MGMT: variants seen among roughly 807,000 people sequenced by gnomAD.
MGMT encodes the protein O-6-methylguanine-DNA methyltransferase.
In MGMT, 14 loss-of-function variants were observed where a neutral mutation model predicts 15.9. That is an observed-to-expected ratio of 0.88 (90% CI 0.58 to 1.37). The LOEUF (loss-of-function observed/expected upper bound fraction) is 1.37. Among genes scored for constraint, MGMT ranks in the 40% most tolerant of loss-of-function variants. MGMT has a pLI of 0.00. For synonymous variants in MGMT, 130 were observed against 118.2 expected, an observed-to-expected ratio of 1.10 and a Z score of -0.65; for missense variants, 282 against 268.1, an observed-to-expected ratio of 1.05 and a Z score of -0.36.
intron 3 of MGMT, 58 bp downstream of exon 3, chr10:129,708,101 G>GC: frequency 6.5e-7 from 1 of 1,548,220 alleles, no homozygotes; most frequent in East Asian, 2.3e-5. Flanking sequence ...ATTAACGATC[G>GC]CTGACATCAC....
At chr10:129,757,093 G>T (rs1848815854) in intron 3 of MGMT, among the ~76,000 whole-genome samples, 1 of 152,200 alleles carries the variant, frequency 6.6e-6, no homozygotes. Flanking sequence ...AAAATCAGGT[G>T]CCTGATTGCT....
chr10:129,720,252 A>G (rs997865463), intron 3 of MGMT, among the ~76,000 whole-genome samples: 9 of 152,264 alleles, frequency 5.9e-5, no homozygotes, highest in African/African-American at 2.2e-4. Context: ...GCTCTAGGCC[A>G]CAATAAATGG....
intron 2 of MGMT, among the ~76,000 whole-genome samples, chr10:129,699,217 T>C (rs1435197983): frequency 1.3e-5 from 2 of 152,226 alleles, no homozygotes; most frequent in Non-Finnish European, 2.9e-5. Context: ...ATCTGCCAAG[T>C]ATACTATTTG....
At chr10:129,726,785 G>A (rs1111050) in intron 3 of MGMT, among the ~76,000 whole-genome samples, 8,001 of 152,176 alleles carry the variant, frequency 0.053, 485 homozygotes, top group African/African-American at 0.15. Flanking sequence ...AAAAGCATCA[G>A]AATTAAGTTG....
intron 2 of MGMT, among the ~76,000 whole-genome samples, chr10:129,689,594 C>G (rs1026742271): frequency 6.6e-6 from 1 of 152,206 alleles, no homozygotes; most frequent in African/African-American, 2.4e-5. Flanking sequence ...TCGGTTACCA[C>G]AAGCACACAC....
chr10:129,579,927 A>G (rs1846532496), intron 2 of MGMT, among the ~76,000 whole-genome samples: 1 of 152,190 alleles, frequency 6.6e-6, no homozygotes, highest in African/African-American at 2.4e-5. Flanking sequence ...CAGAGAGGGC[A>G]CCGCAGCCAC....
chr10:129,666,019 A>G (rs1011470552), intron 2 of MGMT, among the ~76,000 whole-genome samples: 2 of 152,160 alleles, frequency 1.3e-5, no homozygotes, highest in Non-Finnish European at 2.9e-5. Flanking sequence ...AGGAAATAAG[A>G]TGTGTGATAT....
intron 3 of MGMT, among the ~76,000 whole-genome samples, chr10:129,725,578 A>G (rs989003533): frequency 6.6e-6 from 1 of 152,206 alleles, no homozygotes; most frequent in African/African-American, 2.4e-5. Flanking sequence ...GTTTGTGCAC[A>G]TGGCATGCCT....
chr10:129,505,890 G>A (rs1378224644), intron 1 of MGMT, among the ~76,000 whole-genome samples: 3 of 152,090 alleles, frequency 2.0e-5, no homozygotes, highest in Admixed American at 1.3e-4. Flanking sequence ...GGTTGTGCTT[G>A]TCCCTGGGGT....
chr10:129,661,510 G>A lies in MGMT; in HGVS notation c.126-46385G>A, dbSNP rs111679282. Among the ~76,000 whole-genome samples, 1,095 of 152,260 alleles carry A rather than the reference G, an allele frequency of 7.2e-3. 9 individuals are homozygous for A. Among genetic ancestry groups the A allele is most frequent in the African/African-American group, 0.025 (1,032 of 41,552 alleles). ...AACTATTGATGTTGTGCAACTTTCT[G>A]TGTTTATTAGCCAATTATATTTTTT... On this transcript the variant is annotated intron_variant, in intron 2 of 4. Coordinates refer to ENST00000651593, the MANE Select transcript of MGMT (RefSeq NM_002412.5).
intron 2 of MGMT, among the ~76,000 whole-genome samples, chr10:129,586,757 A>G (rs1407403110): frequency 6.6e-6 from 1 of 152,180 alleles, no homozygotes; most frequent in Non-Finnish European, 1.5e-5. Flanking sequence ...CTAGGAGTGG[A>G]TCCTATGGGC....
intron 1 of MGMT, among the ~76,000 whole-genome samples, chr10:129,524,311 T>G (rs1350641853): frequency 6.6e-6 from 1 of 152,218 alleles, no homozygotes; most frequent in Admixed American, 6.5e-5. Flanking sequence ...TCATTTTATC[T>G]GTATTTTGCC....
chr10:129,696,385 A>G (rs1417421687), intron 2 of MGMT, among the ~76,000 whole-genome samples: 1 of 152,230 alleles, frequency 6.6e-6, no homozygotes, highest in Non-Finnish European at 1.5e-5. Context: ...TCAAACCTGC[A>G]GCATTTCCAG....
intron 3 of MGMT, among the ~76,000 whole-genome samples, chr10:129,722,903 G>A (rs1485643282): frequency 6.6e-6 from 1 of 151,120 alleles, no homozygotes; most frequent in Non-Finnish European, 1.5e-5. Context: ...CTACTCGGGA[G>A]GCTAAGGCAT....
intron 2 of MGMT, among the ~76,000 whole-genome samples, chr10:129,585,955 G>A (rs1379683126): frequency 6.6e-6 from 1 of 152,130 alleles, no homozygotes; most frequent in East Asian, 1.9e-4. Flanking sequence ...GCACTGCAAT[G>A]ACCTTGATAG....
In MGMT at chr10:129,770,489, T is replaced by C. The variant is rs997359171; in HGVS notation, c.*3492T>C. 6.6e-6 allele frequency among the ~76,000 whole-genome samples: 1 copy of C among 152,338 alleles called. No individual in the cohort carries two copies. Among genetic ancestry groups the C allele is most frequent in the Non-Finnish European group, 1.5e-5 (1 of 68,026 alleles). ...GGGGCCACGTCCCCTCCCGGTCTCA[T>C]CTGCCGCTTGCTCACCTTGGCTGTC... On this transcript the variant is annotated 3_prime_UTR_variant, in exon 5 of 5. Coordinates refer to ENST00000651593, the MANE Select transcript of MGMT (RefSeq NM_002412.5).
chr10:129,691,456 G>A (rs1847968843), intron 2 of MGMT, among the ~76,000 whole-genome samples: 1 of 152,276 alleles, frequency 6.6e-6, no homozygotes, highest in African/African-American at 2.4e-5. Context: ...CCTGGGCAGT[G>A]CAGGCATCGC....
intron 2 of MGMT, among the ~76,000 whole-genome samples, chr10:129,572,063 CA>C (rs1846425922): frequency 6.6e-6 from 1 of 152,174 alleles, no homozygotes; most frequent in Non-Finnish European, 1.5e-5. Flanking sequence ...TTCCTTTAGT[CA>C]GTGCATCTGG....
intron 2 of MGMT, among the ~76,000 whole-genome samples, chr10:129,687,763 A>G (rs917330035): frequency 6.7e-6 from 1 of 149,148 alleles, no homozygotes. Flanking sequence ...TTTGTTACGT[A>G]TGTATACATG....
Sources: allele counts gnomAD v4.1 joint callset (sites outside exome capture counted in the v4.1 genomes callset), GRCh38; gene constraint gnomAD v4.1.1; transcripts MANE v1.5; gene names NCBI Gene and HGNC (gene_info 2026-07-23, HGNC 2026-07-21).